EXOSC9: variants seen among roughly 807,000 people sequenced by gnomAD.
EXOSC9 encodes exosome component 9.
EXOSC9 carries 38 observed loss-of-function variants against 56.5 expected under a neutral mutation model. That is an observed-to-expected ratio of 0.67 (90% confidence interval 0.52 to 0.88). EXOSC9 has a LOEUF of 0.88. EXOSC9 is among the 40% of genes least tolerant of loss of function. EXOSC9 has a pLI of 0.00. For missense variants in EXOSC9, 559 were observed against 530.5 expected, an observed-to-expected ratio of 1.05 and a Z score of -0.53; for synonymous variants, 170 against 170.8, an observed-to-expected ratio of 0.99 and a Z score of 0.04.
Position 121,808,645 on chromosome 4 carries a change from G to A in EXOSC9, c.605+1023G>A, listed in dbSNP as rs113600268. On this transcript the variant is annotated intron_variant, in intron 6 of 11. Transcript: ENST00000243498. ...TCCCAAAATGCTGGATTACGGGGAT[G>A]AGCCACCATGCCTGGCTGTTTCTTT... 4.6e-3 allele frequency among the ~76,000 whole-genome samples: 704 copies of A among 151,880 alleles called. 5 individuals are homozygous for A. Among genetic ancestry groups the A allele is most frequent in the African/African-American group, 0.016 (678 of 41,464 alleles).
rs1427274385 is a variant in EXOSC9 at position 121,809,748 on chromosome 4, T to C, written c.606-219T>C. ...TAAATCCAATCTGAACTTAATGTGA[T>C]TTCATTGTAATAACTAGAGATACCC... On this transcript the variant is annotated intron_variant, in intron 6 of 11. Transcript: ENST00000243498. The C allele has an allele frequency of 5.3e-6, 3 of 560,810 alleles. No homozygotes were observed. In the East Asian group the frequency reaches 9.0e-5, roughly 17 times the overall value. The allele number at this position is 560,810 out of a possible 1,614,324, so 34.7% of individuals were successfully genotyped here.
At chr4:121,815,384 G>A in intron 10 of EXOSC9, 1 of 980,676 alleles carries the variant, frequency 1.0e-6, no homozygotes, top group Non-Finnish European at 1.2e-6. Context: ...ATTTTCAACT[G>A]AATATAATGA....
At position 121,812,372 on chromosome 4, in the gene EXOSC9, C is replaced by T. The variant is rs552900165; in HGVS notation, c.827+701C>T. On this transcript the variant is annotated intron_variant, in intron 8 of 11. Coordinates refer to ENST00000243498, the MANE Select transcript of EXOSC9 (RefSeq NM_005033.3). ...CAACCATATAAATTTCACACTTGAT[C>T]TTTCCTTATTTGTTAATCTGAATTG... 2.0e-5 allele frequency among the ~76,000 whole-genome samples: 3 copies of T among 152,252 alleles called. No individual in the cohort carries two copies. The South Asian group carries it at 6.2e-4, about 32-fold the overall frequency.
At chr4:121,802,061 C>G (rs1189348822) in intron 2 of EXOSC9, 140 bp downstream of exon 2, 1 of 647,044 alleles carries the variant, frequency 1.5e-6, no homozygotes, top group East Asian at 2.8e-5. Flanking sequence ...TTTTTTTATG[C>G]GAGATTTTTT....
At chr4:121,804,234 G>C (rs980539893) in intron 4 of EXOSC9, among the ~76,000 whole-genome samples, 1 of 145,404 alleles carries the variant, frequency 6.9e-6, no homozygotes. Flanking sequence ...GGCTGGTCTC[G>C]AACTCCTAGG....
chr4:121,802,893 C>T, intron 3 of EXOSC9, 22 bp from the exon 4 acceptor site: 5 of 1,610,086 alleles, frequency 3.1e-6, no homozygotes, highest in Non-Finnish European at 4.2e-6. Flanking sequence ...GACATTAGCC[C>T]ATTCCTATTT....
chr4:121,810,789 A>AG (rs1415631740), intron 7 of EXOSC9, among the ~76,000 whole-genome samples: 1 of 152,100 alleles, frequency 6.6e-6, no homozygotes, highest in Admixed American at 6.5e-5. Context: ...GCTTGAGCCT[A>AG]GGAGGTGGAG....
chr4:121,801,363 G>C lies in EXOSC9; in HGVS notation c.-62G>C, dbSNP rs1350783861. 4.0e-6 allele frequency: 6 copies of C among 1,505,754 alleles called. No individual in the cohort carries two copies. The highest frequency in any genetic ancestry group is 5.5e-6 in the Non-Finnish European group (6 of 1,081,416). 93.3% of individuals were successfully genotyped at this position (1,505,754 alleles called of 1,614,324 possible). On this transcript the variant is annotated 5_prime_UTR_variant, in exon 1 of 12. Coordinates refer to ENST00000243498, the MANE Select transcript of EXOSC9 (RefSeq NM_005033.3). The stretch of plus-strand genomic sequence containing the variant: ...CTCGGGGCGAGCAGCGGCGCGCAAG[G>C]AAAGATCGGGTTCCGTTTTTCCCGC...
chr4:121,816,349 AAATTAAT>A lies in EXOSC9; in HGVS notation c.1157-17_1157-11del. The A allele has an allele frequency of 8.4e-7, 1 of 1,185,978 alleles. No individual in the cohort carries two copies. The highest frequency in any genetic ancestry group is 1.2e-6 in the Non-Finnish European group (1 of 857,656). The allele number at this position is 1,185,978 out of a possible 1,614,324, so 73.5% of individuals were successfully genotyped here. On this transcript the variant is annotated splice_polypyrimidine_tract_variant and intron_variant, in intron 10 of 11. Transcript: ENST00000243498. ...TTGCTTAACTTTTTTTTTTTTTTTTAAATTAATAAAAAAACAAAGATGCTCCCATAAT... is the reference window on the plus strand; with the variant it reads ...TTGCTTAACTTTTTTTTTTTTTTTTAAAAAAAACAAAGATGCTCCCATAAT...
In EXOSC9 at chr4:121,813,324, G is replaced by A. The variant is rs145746159; in HGVS notation, c.918G>A (p.Ser306=). 781 of 1,613,428 alleles carry A rather than the reference G, an allele frequency of 4.8e-4. 1 individual carries two copies. Among genetic ancestry groups the A allele is most frequent in the Non-Finnish European group, 6.2e-4 (728 of 1,179,594 alleles). ...FKMEKAPIDT[S]DVEEKAEEII... is the part of the protein sequence containing the mutation. The stretch of plus-strand genomic sequence containing the variant: ...TGGAAAAGGCCCCTATTGATACCTC[G>A]GATGTAGAAGAAAAAGCAGAAGAAA... The change falls in exon 9 of 12, where the codon TCG becomes TCA. Residue 306 remains serine, a synonymous_variant. Coordinates refer to ENST00000243498, the MANE Select transcript of EXOSC9 (RefSeq NM_005033.3).
intron 4 of EXOSC9, 130 bp downstream of exon 4, chr4:121,803,147 C>A: frequency 3.0e-6 from 2 of 657,456 alleles, no homozygotes; most frequent in African/African-American, 1.8e-5. Flanking sequence ...TTCAGATGTT[C>A]TTGAGTGATA....
At chr4:121,816,555 A>G in intron 11 of EXOSC9, 108 bp downstream of exon 11, 3 of 846,640 alleles carry the variant, frequency 3.5e-6, no homozygotes, top group East Asian at 2.6e-5. Flanking sequence ...ACAAAAAGAC[A>G]TCCCTTTTTC....
chr4:121,801,485 A>C lies in EXOSC9; in HGVS notation c.61A>C (p.Lys21Gln). 6.2e-7 allele frequency: 1 copy of C among 1,614,168 alleles called. No homozygotes were observed. Among genetic ancestry groups the C allele is most frequent in the Non-Finnish European group, 8.5e-7 (1 of 1,179,998 alleles). ...CTTCCTACTCCGTGCCATCGAAGAG[A>C]AGAAGGTATGGTTTGGTGCCCGCAG... ...RRFLLRAIEEKKRLDGRQTYD... is the reference protein window; with the variant it reads ...RRFLLRAIEEQKRLDGRQTYD... Residue 21 changes from lysine (K) to glutamine (Q), a missense_variant, in exon 1 of 12, where the codon AAG (lysine) becomes CAG (glutamine). Lys to Gln is a moderately conservative substitution (Grantham distance 53). Coordinates refer to ENST00000243498, the MANE Select transcript of EXOSC9 (RefSeq NM_005033.3).
intron 2 of EXOSC9, among the ~76,000 whole-genome samples, chr4:121,802,291 T>C (rs1318429366): frequency 6.6e-6 from 1 of 152,226 alleles, no homozygotes; most frequent in Non-Finnish European, 1.5e-5. Flanking sequence ...CAGATATTCA[T>C]TTGAAAGTTG....
chr4:121,808,613 C>A (rs1455123826), intron 6 of EXOSC9, among the ~76,000 whole-genome samples: 1 of 151,968 alleles, frequency 6.6e-6, no homozygotes, highest in Non-Finnish European at 1.5e-5. Context: ...ATCTAGCTAC[C>A]TCAGCCTCCC....
In EXOSC9 at chr4:121,803,700, C is replaced by T. The variant is rs554827079; in HGVS notation, c.384+683C>T. Among the ~76,000 whole-genome samples the T allele has an allele frequency of 4.6e-5, 7 of 152,164 alleles. No individual in the cohort carries two copies. The East Asian group carries it at 5.8e-4, about 13-fold the overall frequency. On this transcript the variant is annotated intron_variant, in intron 4 of 11. Transcript: ENST00000243498. ...AACTACCGGCGCCTGCCACCACGCC[C>T]GGCTAATTTTTGTATTTTTAGTAGA...
intron 3 of EXOSC9, 35 bp downstream of exon 3, chr4:121,802,828 T>C (rs200181654): frequency 2.5e-6 from 4 of 1,613,288 alleles, no homozygotes; most frequent in Non-Finnish European, 3.4e-6. Flanking sequence ...GCTTTAGTCA[T>C]AGGAGAACCT....
intron 10 of EXOSC9, chr4:121,815,897 AAC>A (rs1358195363): frequency 8.5e-7 from 1 of 1,181,438 alleles, no homozygotes; most frequent in East Asian, 3.7e-5. Flanking sequence ...AGTTTAAAGA[AAC>A]AAATGTTACA....
intron 4 of EXOSC9, among the ~76,000 whole-genome samples, chr4:121,803,525 A>AATTTT (rs1186298762): frequency 6.6e-6 from 1 of 151,890 alleles, no homozygotes; most frequent in Non-Finnish European, 1.5e-5. Context: ...AGGATATTAG[A>AATTTT]ATTTTATTTT....
Sources: allele counts gnomAD v4.1 joint callset (sites outside exome capture counted in the v4.1 genomes callset), GRCh38; gene constraint gnomAD v4.1.1; transcripts MANE v1.5; gene names NCBI Gene and HGNC (gene_info 2026-07-23, HGNC 2026-07-21).